Variants in BACH2 observed in about 807,000 individuals in gnomAD.
The protein encoded by BACH2 is transcription regulator protein BACH2.
In BACH2, 5 loss-of-function variants were observed where a neutral mutation model predicts 61.8. That is an observed-to-expected ratio of 0.08 (90% CI 0.04 to 0.17). BACH2 has a LOEUF of 0.17. Among genes scored for constraint, BACH2 ranks in the 10% least tolerant of loss-of-function variants. The pLI is 1.00. For synonymous variants in BACH2, 446 were observed against 440.1 expected, an observed-to-expected ratio of 1.01 and a Z score of -0.17; for missense variants, 824 against 1,091.1, an observed-to-expected ratio of 0.76 and a Z score of 3.45.
intron 4 of BACH2, among the ~76,000 whole-genome samples, chr6:90,186,503 CAG>C (rs1174193162): frequency 6.6e-6 from 1 of 152,132 alleles, no homozygotes; most frequent in Non-Finnish European, 1.5e-5. Context: ...AAATGACTGT[CAG>C]TGTGGTTTCA....
At chr6:90,001,885 T>TA (rs1582172906) in intron 6 of BACH2, among the ~76,000 whole-genome samples, 1 of 152,156 alleles carries the variant, frequency 6.6e-6, no homozygotes, top group African/African-American at 2.4e-5. Flanking sequence ...CTACTTAAAA[T>TA]AAAAAACCAA....
chr6:90,002,252 T>C (rs771393016), intron 6 of BACH2, among the ~76,000 whole-genome samples: 4 of 152,206 alleles, frequency 2.6e-5, no homozygotes, highest in Non-Finnish European at 5.9e-5. Context: ...GACCTGTTAA[T>C]TCGAGAAAGC....
intron 4 of BACH2, among the ~76,000 whole-genome samples, chr6:90,133,355 C>G (rs1784142411): frequency 6.6e-6 from 1 of 152,020 alleles, no homozygotes. Context: ...TTGAATAAAC[C>G]CAGAATTGAG....
intron 2 of BACH2, among the ~76,000 whole-genome samples, chr6:90,268,155 C>A (rs1450076059): frequency 2.6e-5 from 4 of 151,894 alleles, no homozygotes; most frequent in African/African-American, 9.7e-5. Flanking sequence ...ATTACAGGTG[C>A]ACACCACCAT....
At chr6:89,995,882 C>T (rs1776819352) in intron 6 of BACH2, among the ~76,000 whole-genome samples, 1 of 152,204 alleles carries the variant, frequency 6.6e-6, no homozygotes, top group African/African-American at 2.4e-5. Context: ...ATGTATTCCT[C>T]AGTCTGATAA....
Position 90,235,554 on chromosome 6 carries a change from C to T in BACH2, c.-275+16959G>A, listed in dbSNP as rs116466343. Among the ~76,000 whole-genome samples the T allele has an allele frequency of 5.0e-3, 761 of 152,292 alleles. 5 individuals are homozygous for T. Among genetic ancestry groups the T allele is most frequent in the African/African-American group, 0.017 (725 of 41,560 alleles). On this transcript the variant is annotated intron_variant, in intron 3 of 8. Coordinates refer to ENST00000257749, the MANE Select transcript of BACH2 (RefSeq NM_021813.4). ...CAACTAAAAAAGCCAGGGATTGTGG[C>T]ACAAGCCTGTAGTTCCCAGCTACCT...
intron 4 of BACH2, among the ~76,000 whole-genome samples, chr6:90,182,743 G>C (rs1014942363): frequency 3.3e-5 from 5 of 152,140 alleles, no homozygotes; most frequent in African/African-American, 1.2e-4. Flanking sequence ...AGAATCCCTT[G>C]CTTTTAAATA....
At chr6:89,937,535 T>C (rs1773100714) in intron 8 of BACH2, among the ~76,000 whole-genome samples, 1 of 152,212 alleles carries the variant, frequency 6.6e-6, no homozygotes, top group South Asian at 2.1e-4. Context: ...CAGTTATTTA[T>C]TCATTTTTTT....
chr6:90,006,133 C>A (rs190686223), intron 6 of BACH2, among the ~76,000 whole-genome samples: 1 of 152,272 alleles, frequency 6.6e-6, no homozygotes, highest in Admixed American at 6.5e-5. Flanking sequence ...CACTTTACTG[C>A]CTTGGTATTG....
At chr6:90,146,202 AC>A (rs1784613685) in intron 4 of BACH2, among the ~76,000 whole-genome samples, 1 of 152,184 alleles carries the variant, frequency 6.6e-6, no homozygotes, top group Admixed American at 6.5e-5. Context: ...ACCAAAGATG[AC>A]CCGCAGAAGT....
chr6:89,933,280 T>C (rs1251805631), intron 8 of BACH2, among the ~76,000 whole-genome samples: 1 of 152,142 alleles, frequency 6.6e-6, no homozygotes, highest in Admixed American at 6.5e-5. Flanking sequence ...TGTATCAGGT[T>C]GCCATTTTTG....
chr6:89,970,423 T>C (rs923722856), intron 6 of BACH2, among the ~76,000 whole-genome samples: 3 of 152,240 alleles, frequency 2.0e-5, no homozygotes, highest in Admixed American at 2.0e-4. Flanking sequence ...AGGGGTTTAT[T>C]ACTGTACCTG....
At chr6:90,143,298 A>G (rs1488599111) in intron 4 of BACH2, among the ~76,000 whole-genome samples, 1 of 152,182 alleles carries the variant, frequency 6.6e-6, no homozygotes, top group Non-Finnish European at 1.5e-5. Context: ...CGATGACAAT[A>G]TGAAGGTAGT....
chr6:89,949,970 G>A (rs1584518042), intron 7 of BACH2: 1 of 442,442 alleles, frequency 2.3e-6, no homozygotes, highest in East Asian at 4.8e-5. Context: ...AAAGAGGGGG[G>A]TCTGGAGTGC....
At chr6:90,262,177 CA>C (rs1771181612) in intron 2 of BACH2, among the ~76,000 whole-genome samples, 1 of 152,166 alleles carries the variant, frequency 6.6e-6, no homozygotes, top group Non-Finnish European at 1.5e-5. Flanking sequence ...TCCATGTTCC[CA>C]AACTCTCATT....
intron 6 of BACH2, among the ~76,000 whole-genome samples, chr6:90,003,671 C>T (rs984363497): frequency 6.6e-6 from 1 of 152,292 alleles, no homozygotes; most frequent in Non-Finnish European, 1.5e-5. Flanking sequence ...TTGCTGAAGA[C>T]CTCACATGCA....
intron 2 of BACH2, among the ~76,000 whole-genome samples, chr6:90,257,903 G>A (rs1771034364): frequency 6.6e-6 from 1 of 152,122 alleles, no homozygotes. Flanking sequence ...AGCCTCCCAA[G>A]TAGCTGGAAT....
chr6:90,116,353 G>A (rs1476919449), intron 4 of BACH2, among the ~76,000 whole-genome samples: 1 of 152,198 alleles, frequency 6.6e-6, no homozygotes, highest in Non-Finnish European at 1.5e-5. Context: ...GAACATGGAT[G>A]GAGCTGGAGG....
At chr6:90,274,836 C>T (rs1771642189) in intron 1 of BACH2, among the ~76,000 whole-genome samples, 1 of 152,200 alleles carries the variant, frequency 6.6e-6, no homozygotes, top group African/African-American at 2.4e-5. Flanking sequence ...AGCATAAGTG[C>T]ATAATCTTTG....
Sources: gnomAD v4.1 joint callset for allele counts (sites outside exome capture counted in the v4.1 genomes callset) on GRCh38, gnomAD v4.1.1 for gene constraint, MANE v1.5 for transcripts, NCBI Gene and HGNC (gene_info 2026-07-23, HGNC 2026-07-21) for gene names.